ZC3HAV1: variants seen among roughly 807,000 people sequenced by gnomAD.
The protein encoded by ZC3HAV1 is zinc finger CCCH-type antiviral protein 1.
Under a neutral mutation model 86.6 loss-of-function variants are expected in ZC3HAV1, and 41 were observed. The observed-to-expected ratio is 0.47, with a 90% CI of 0.37 to 0.61. ZC3HAV1 has a LOEUF of 0.61. ZC3HAV1 is among the 20% of genes least tolerant of loss of function. The probability of loss-of-function intolerance (pLI) is 0.00; values close to 1 mark genes in which losing one functional copy is unlikely to be tolerated. For missense variants in ZC3HAV1, 964 were observed against 1,141.1 expected (o/e 0.84, Z 2.24); for synonymous variants, 421 against 432.1 (o/e 0.97, Z 0.32).
intron 12 of ZC3HAV1, among the ~76,000 whole-genome samples, chr7:139,052,808 T>G (rs913544481): frequency 6.6e-6 from 1 of 151,658 alleles, no homozygotes; most frequent in Non-Finnish European, 1.5e-5. Context: ...ACACACCTGT[T>G]GTCCCAGTTA....
At chr7:139,100,902 G>GGACT (rs1817737071) in intron 1 of ZC3HAV1, among the ~76,000 whole-genome samples, 2 of 151,838 alleles carry the variant, frequency 1.3e-5, no homozygotes, top group Non-Finnish European at 2.9e-5. Flanking sequence ...AGCCGAGGCT[G>GGACT]GACTGTACTG....
chr7:139,102,007 A>T (rs1356598134), intron 1 of ZC3HAV1, among the ~76,000 whole-genome samples: 2 of 151,970 alleles, frequency 1.3e-5, no homozygotes, highest in East Asian at 1.9e-4. Flanking sequence ...TGATCAATAA[A>T]AAAAAAAAAA....
intron 10 of ZC3HAV1, 92 bp from the exon 11 acceptor site, chr7:139,054,187 G>A: frequency 1.6e-6 from 2 of 1,281,016 alleles, no homozygotes; most frequent in African/African-American, 3.1e-5. Context: ...ATGAAGTATT[G>A]TTACCAGGGT....
intron 1 of ZC3HAV1, among the ~76,000 whole-genome samples, chr7:139,092,747 G>GTGC (rs1817471849): frequency 6.6e-6 from 1 of 152,222 alleles, no homozygotes; most frequent in Non-Finnish European, 1.5e-5. Context: ...GGGGTCCGTG[G>GTGC]TGCTGCCCAC....
intron 8 of ZC3HAV1, among the ~76,000 whole-genome samples, chr7:139,063,808 C>A (rs1243912386): frequency 2.7e-5 from 4 of 150,688 alleles, no homozygotes; most frequent in African/African-American, 9.8e-5. Flanking sequence ...TTTTCATAAT[C>A]AAAATCTTTA....
In ZC3HAV1 at chr7:139,080,139, C is replaced by G. The variant is rs1371213275; in HGVS notation, c.802G>C (p.Ala268Pro). Residue 268 changes from alanine to proline, a missense_variant, in exon 4 of 13, where the codon GCT (alanine) becomes CCT (proline). Ala to Pro is a conservative substitution (Grantham distance 27). Coordinates refer to ENST00000242351, the MANE Select transcript of ZC3HAV1 (RefSeq NM_020119.4). Reference sequence around the variant, plus strand: ...GGACTAGGTGTGCAGGACCTCTCAGCAGACGCTGAAGCAGACGCAAGAAAT... The same window carrying G: ...GGACTAGGTGTGCAGGACCTCTCAGGAGACGCTGAAGCAGACGCAAGAAAT... ...QEFLASASAS[A>P]ERSCTPSPDQ... The G allele has an allele frequency of 1.2e-6, 2 of 1,614,072 alleles. No homozygotes were observed. Among genetic ancestry groups the G allele is most frequent in the African/African-American group, 2.7e-5 (2 of 74,918 alleles).
chr7:139,070,596 G>A (rs1447313673), intron 7 of ZC3HAV1, among the ~76,000 whole-genome samples: 9 of 149,990 alleles, frequency 6.0e-5, no homozygotes, highest in East Asian at 4.0e-4. Flanking sequence ...CACGGGAGGC[G>A]GGGCTTGCAG....
intron 1 of ZC3HAV1, among the ~76,000 whole-genome samples, chr7:139,099,580 T>G (rs1205511903): frequency 6.6e-6 from 1 of 152,132 alleles, no homozygotes; most frequent in African/African-American, 2.4e-5. Context: ...GGTTTCTCTT[T>G]GGGGTGATGA....
At chr7:139,059,033 C>T (rs1023687665) in intron 9 of ZC3HAV1, among the ~76,000 whole-genome samples, 1 of 152,066 alleles carries the variant, frequency 6.6e-6, no homozygotes, top group Non-Finnish European at 1.5e-5. Flanking sequence ...AGTTTTGTTG[C>T]TTTAAGGAAA....
Position 139,080,011 on chromosome 7 carries a change from T to A in ZC3HAV1, c.930A>T (p.Ser310=), listed in dbSNP as rs369295244. 1.2e-5 allele frequency: 20 copies of A among 1,614,174 alleles called. No homozygotes were observed. Among genetic ancestry groups the A allele is most frequent in the Non-Finnish European group, 1.6e-5 (19 of 1,180,040 alleles). The part of the protein sequence containing the change: ...LGSQDRARPP[S]GSSKATDLGG... ...CAAGATCAGTAGCCTTGGACGAGCC[T>A]GAGGGAGGCCGAGCGCGATCCTGAC... Residue 310 remains serine (S), a synonymous_variant, in exon 4 of 13, where the codon TCA becomes TCT. Transcript: ENST00000242351.
chr7:139,055,339 G>A (rs749976821), intron 9 of ZC3HAV1, 44 bp from the exon 10 acceptor site: 1 of 1,541,034 alleles, frequency 6.5e-7, no homozygotes, highest in South Asian at 1.1e-5. Flanking sequence ...CTGCTCCACA[G>A]GCCCAAGTGA....
chr7:139,079,394 T>G, intron 4 of ZC3HAV1, 76 bp downstream of exon 4: 2 of 1,611,240 alleles, frequency 1.2e-6, no homozygotes, highest in Non-Finnish European at 1.7e-6. Context: ...AGTAGTTTTA[T>G]CCACTACTTG....
At chr7:139,086,184 T>A (rs1817269002) in intron 2 of ZC3HAV1, among the ~76,000 whole-genome samples, 1 of 152,070 alleles carries the variant, frequency 6.6e-6, no homozygotes, top group South Asian at 2.1e-4. Flanking sequence ...CTCCCCTAAG[T>A]TAAAACACTC....
Position 139,097,713 on chromosome 7 carries a change from C to T in ZC3HAV1, c.309-7954G>A, listed in dbSNP as rs551937917. Reference sequence around the variant, plus strand: ...CCTCCTAAAGTGCTGGGATTACAGGCATAAGCCACCAAGCCCGGCCGGAAC... The same window carrying T: ...CCTCCTAAAGTGCTGGGATTACAGGTATAAGCCACCAAGCCCGGCCGGAAC... On this transcript the variant is annotated intron_variant, in intron 1 of 12. Coordinates refer to ENST00000242351, the MANE Select transcript of ZC3HAV1 (RefSeq NM_020119.4). 8.8e-4 allele frequency among the ~76,000 whole-genome samples: 134 copies of T among 151,658 alleles called. No homozygotes were observed. In the Middle Eastern group the frequency reaches 0.017, roughly 19 times the overall value.
At chr7:139,077,903 A>G (rs1274171467) in intron 5 of ZC3HAV1, among the ~76,000 whole-genome samples, 1 of 152,234 alleles carries the variant, frequency 6.6e-6, no homozygotes, top group Non-Finnish European at 1.5e-5. Context: ...ACAACCACTC[A>G]TTATAGTCCA....
intron 1 of ZC3HAV1, among the ~76,000 whole-genome samples, chr7:139,094,799 G>C (rs1817536333): frequency 6.6e-6 from 1 of 152,132 alleles, no homozygotes; most frequent in South Asian, 2.1e-4. Flanking sequence ...TGCGGTGGGA[G>C]CCCGGGTGAT....
In ZC3HAV1 at chr7:139,076,359, T is replaced by TA. The variant is rs1816945986; in HGVS notation, c.1623dup (p.Ile542TyrfsTer3). On this transcript the variant is annotated frameshift_variant, in exon 6 of 13. Transcript: ENST00000242351. LOFTEE classifies it high-confidence loss of function. Reference sequence around the variant, plus strand: ...TCAAAGTCCGTCCAGGTTTTACCAATAAGCATCTGCCACCGGTAAGGCAGA... The same window carrying TA: ...TCAAAGTCCGTCCAGGTTTTACCAATAAAGCATCTGCCACCGGTAAGGCAGA... 1 of 1,613,968 alleles carries TA rather than the reference T, an allele frequency of 6.2e-7. No individual in the cohort carries two copies. Among genetic ancestry groups the TA allele is most frequent in the African/African-American group, 1.3e-5 (1 of 74,870 alleles).
chr7:139,044,039 C>T lies in ZC3HAV1; in HGVS notation c.*3555G>A, dbSNP rs191726441. On this transcript the variant is annotated 3_prime_UTR_variant, in exon 13 of 13. Coordinates refer to ENST00000242351, the MANE Select transcript of ZC3HAV1 (RefSeq NM_020119.4). ...CTGCAGTGTGTGGGTTAGTGCCACACAACGAAGAATTATTCTGTACCCTGT... is the reference window on the plus strand; with the variant it reads ...CTGCAGTGTGTGGGTTAGTGCCACATAACGAAGAATTATTCTGTACCCTGT... 2 of 152,296 alleles carry T rather than the reference C, an allele frequency of 1.3e-5. No homozygotes were observed. The highest frequency in any genetic ancestry group is 1.3e-4 in the Admixed American group (2 of 15,290). 9.4% of individuals were successfully genotyped at this position (152,296 alleles called of 1,614,324 possible). A position where few individuals can be genotyped will look rare whatever the true frequency, so the allele number is the denominator to read the frequency against.
chr7:139,108,831 A>C lies in ZC3HAV1; in HGVS notation c.308+193T>G. 6.6e-6 allele frequency among the ~76,000 whole-genome samples: 1 copy of C among 152,198 alleles called. No homozygotes were observed. The highest frequency in any genetic ancestry group is 1.9e-4 in the East Asian group (1 of 5,182). ...GAAAATGTCTGGAGGTGCCGGAAGG[A>C]AGGGAACTGCAAAGGTAGAAGCGCG... On this transcript the variant is annotated intron_variant, in intron 1 of 12. Transcript: ENST00000242351. This position sits in a 1 kb window ranked among gnomAD's most constrained non-coding sequence, Gnocchi z 4.2.
Sources: allele counts gnomAD v4.1 joint callset (sites outside exome capture counted in the v4.1 genomes callset), GRCh38; gene constraint gnomAD v4.1.1; non-coding constraint Gnocchi (gnomAD v3.1); transcripts MANE v1.5; gene names NCBI Gene and HGNC (gene_info 2026-07-23, HGNC 2026-07-21).